DNAJC3: variants seen among roughly 807,000 people sequenced by gnomAD.
The protein encoded by DNAJC3 is DnaJ heat shock protein family (Hsp40) member C3.
In DNAJC3, 38 loss-of-function variants were observed where a neutral mutation model predicts 68.6. The observed-to-expected ratio is 0.55, with a 90% CI of 0.43 to 0.73. DNAJC3 has a LOEUF of 0.73. Among genes scored for constraint, DNAJC3 ranks in the 30% least tolerant of loss-of-function variants. The probability of loss-of-function intolerance (pLI) is 0.00; values close to 1 mark genes in which losing one functional copy is unlikely to be tolerated. For missense variants in DNAJC3, 526 were observed against 591.9 expected (o/e 0.89, Z 1.16); for synonymous variants, 203 against 204.0 (o/e 1.00, Z 0.04).
chr13:95,689,361 C>T (rs1225422456), intron 1 of DNAJC3, among the ~76,000 whole-genome samples: 2 of 151,056 alleles, frequency 1.3e-5, no homozygotes, highest in African/African-American at 4.9e-5. Context: ...TATCCATTTC[C>T]TCTAAGTTTT....
chr13:95,761,952 T>C (rs1882838182), intron 7 of DNAJC3, among the ~76,000 whole-genome samples: 1 of 152,184 alleles, frequency 6.6e-6, no homozygotes, highest in Non-Finnish European at 1.5e-5. Context: ...GATTTATCCA[T>C]ATTGTATCAA....
At chr13:95,754,414 G>A (rs1439247257) in intron 4 of DNAJC3, among the ~76,000 whole-genome samples, 1 of 152,194 alleles carries the variant, frequency 6.6e-6, no homozygotes, top group African/African-American at 2.4e-5. Flanking sequence ...AATCAAGGAC[G>A]TGACAGCTTA....
chr13:95,731,329 G>C (rs1388226172), intron 4 of DNAJC3, among the ~76,000 whole-genome samples: 1 of 152,128 alleles, frequency 6.6e-6, no homozygotes, highest in Non-Finnish European at 1.5e-5. Context: ...TCCCAGTACT[G>C]ACTGCATTGA....
chr13:95,698,162 T>C (rs905810649), intron 1 of DNAJC3, among the ~76,000 whole-genome samples: 8 of 152,172 alleles, frequency 5.3e-5, no homozygotes, highest in Non-Finnish European at 1.5e-5. Context: ...GGGTAGAGTC[T>C]TTTGCTTTGC....
chr13:95,765,286 G>A (rs763583311), intron 9 of DNAJC3, among the ~76,000 whole-genome samples: 1 of 151,890 alleles, frequency 6.6e-6, no homozygotes, highest in Non-Finnish European at 1.5e-5. Context: ...TTTACTCTAG[G>A]ATTTGCATTC....
chr13:95,751,452 T>C (rs766966103), intron 4 of DNAJC3, among the ~76,000 whole-genome samples: 2 of 152,222 alleles, frequency 1.3e-5, no homozygotes, highest in Non-Finnish European at 2.9e-5. Context: ...GCCAGTTGTT[T>C]ACTGTCTGTG....
intron 2 of DNAJC3, among the ~76,000 whole-genome samples, chr13:95,710,273 C>G (rs1327459148): frequency 6.8e-6 from 1 of 147,520 alleles, no homozygotes; most frequent in Non-Finnish European, 1.5e-5. Context: ...GAGCCTTGCT[C>G]TGTCACCCAG....
intron 4 of DNAJC3, among the ~76,000 whole-genome samples, chr13:95,740,102 G>GA (rs1308740499): frequency 2.6e-5 from 4 of 152,198 alleles, no homozygotes; most frequent in Non-Finnish European, 5.9e-5. Context: ...CTGCTGGGGG[G>GA]TGCCTCCCAG....
chr13:95,737,568 G>A (rs2139654453), intron 4 of DNAJC3, among the ~76,000 whole-genome samples: 1 of 152,072 alleles, frequency 6.6e-6, no homozygotes, highest in Admixed American at 6.5e-5. Context: ...ATGTGTCCAG[G>A]AATTTATCCA....
rs1184931965 is a variant in DNAJC3, at chr13:95,716,353, C to T, written c.194-6889C>T. On this transcript the variant is annotated intron_variant, in intron 2 of 11. Transcript: ENST00000602402. ...GGCCGTGGGGAGTGCTTTTGGGCTCCGGCCCCACGGCAATGTCTAGGACTC... is the reference window on the plus strand; with the variant it reads ...GGCCGTGGGGAGTGCTTTTGGGCTCTGGCCCCACGGCAATGTCTAGGACTC... Among the ~76,000 whole-genome samples, 4 of 152,234 alleles carry T rather than the reference C, an allele frequency of 2.6e-5. No individual in the cohort carries two copies. In the East Asian group the frequency reaches 5.8e-4, roughly 22 times the overall value.
At chr13:95,702,015 A>G (rs546174290) in intron 1 of DNAJC3, among the ~76,000 whole-genome samples, 1 of 152,362 alleles carries the variant, frequency 6.6e-6, no homozygotes, top group South Asian at 2.1e-4. Context: ...ACATTTCTGT[A>G]TCCAACCATT....
At chr13:95,769,895 C>T (rs1457695673) in intron 9 of DNAJC3, among the ~76,000 whole-genome samples, 1 of 152,100 alleles carries the variant, frequency 6.6e-6, no homozygotes, top group African/African-American at 2.4e-5. Context: ...AACCCATGAG[C>T]GTAATATGTA....
chr13:95,764,675 T>C (rs1427971615), intron 9 of DNAJC3, among the ~76,000 whole-genome samples: 2 of 123,394 alleles, frequency 1.6e-5, no homozygotes, highest in Admixed American at 8.6e-5. Context: ...TATATATATA[T>C]ATATATATAC....
intron 1 of DNAJC3, among the ~76,000 whole-genome samples, chr13:95,699,414 A>C (rs1314508057): frequency 6.6e-6 from 1 of 152,214 alleles, no homozygotes; most frequent in Non-Finnish European, 1.5e-5. Context: ...ATAGCAGTTC[A>C]AATAATTTTG....
chr13:95,706,489 A>G (rs1183447192), intron 1 of DNAJC3, among the ~76,000 whole-genome samples: 1 of 152,186 alleles, frequency 6.6e-6, no homozygotes, highest in Non-Finnish European at 1.5e-5. Flanking sequence ...GTGTTCAGCT[A>G]CTTCCTTTGG....
chr13:95,714,760 T>G (rs1000618233), intron 2 of DNAJC3, among the ~76,000 whole-genome samples: 24 of 152,246 alleles, frequency 1.6e-4, no homozygotes, highest in African/African-American at 5.1e-4. Flanking sequence ...AAGTGTGTCT[T>G]AAAGTATTTA....
chr13:95,700,304 A>G (rs1390334960), intron 1 of DNAJC3, among the ~76,000 whole-genome samples: 1 of 152,200 alleles, frequency 6.6e-6, no homozygotes, highest in Non-Finnish European at 1.5e-5. Context: ...ATTTTCATAA[A>G]AGAGGTTTTC....
chr13:95,712,213 G>T (rs1880993400), intron 2 of DNAJC3, among the ~76,000 whole-genome samples: 1 of 152,018 alleles, frequency 6.6e-6, no homozygotes, highest in African/African-American at 2.4e-5. Flanking sequence ...ATCTGTATTG[G>T]TGAGTACACC....
chr13:95,775,983 C>CTT (rs200575384), intron 9 of DNAJC3, among the ~76,000 whole-genome samples: 1,931 of 151,796 alleles, frequency 0.013, 47 homozygotes, highest in African/African-American at 0.045. Flanking sequence ...TGAAGATACT[C>CTT]TTTTTATATA....
Sources: gnomAD v4.1 joint callset for allele counts (sites outside exome capture counted in the v4.1 genomes callset) on GRCh38, gnomAD v4.1.1 for gene constraint, MANE v1.5 for transcripts, NCBI Gene and HGNC (gene_info 2026-07-23, HGNC 2026-07-21) for gene names.